ZNF804B: variants seen among roughly 807,000 people sequenced by gnomAD.
ZNF804B encodes zinc finger 804B.
In ZNF804B, 80 loss-of-function variants were observed where a neutral mutation model predicts 101.4. The observed-to-expected ratio is 0.79, with a 90% CI of 0.66 to 0.95. ZNF804B has a LOEUF of 0.95. Among genes scored for constraint, ZNF804B ranks in the 40% least tolerant of loss-of-function variants. The pLI, the probability that ZNF804B is intolerant of heterozygous loss-of-function variation, is 0.00. For synonymous variants in ZNF804B, 622 were observed against 558.8 expected (o/e 1.11, Z -1.59); for missense variants, 1,673 against 1,561.9 (o/e 1.07, Z -1.20).
At chr7:88,803,690 T>C (rs1211311575) in intron 1 of ZNF804B, among the ~76,000 whole-genome samples, 1 of 151,996 alleles carries the variant, frequency 6.6e-6, no homozygotes, top group African/African-American at 2.4e-5. Flanking sequence ...GGAAGAAAAA[T>C]AGTTTGTGTA....
At chr7:88,761,027 T>C (rs1400274905) in intron 1 of ZNF804B, among the ~76,000 whole-genome samples, 1 of 151,042 alleles carries the variant, frequency 6.6e-6, no homozygotes, top group Non-Finnish European at 1.5e-5. Context: ...TATTTAAGTC[T>C]GTATGATATC....
chr7:89,216,386 AT>A (rs34067763), intron 1 of ZNF804B, among the ~76,000 whole-genome samples: 18,545 of 152,190 alleles, frequency 0.12, 1,202 homozygotes, highest in Middle Eastern at 0.25. Flanking sequence ...AAATCAAGGG[AT>A]TTAGCACCAT....
chr7:89,109,942 ACT>A (rs1171734295), intron 1 of ZNF804B, among the ~76,000 whole-genome samples: 1 of 151,986 alleles, frequency 6.6e-6, no homozygotes, highest in African/African-American at 2.4e-5. Context: ...TTTGGGCCAA[ACT>A]CTGTTTTAGG....
intron 1 of ZNF804B, among the ~76,000 whole-genome samples, chr7:88,987,150 A>C (rs1204733091): frequency 6.6e-6 from 1 of 152,094 alleles, no homozygotes; most frequent in Admixed American, 6.6e-5. Context: ...AGCTCTCTTC[A>C]TCAAACAACC....
intron 2 of ZNF804B, among the ~76,000 whole-genome samples, chr7:89,282,199 T>TAAAAAAAAAAA (rs142207896): frequency 9.2e-6 from 1 of 108,984 alleles, no homozygotes; most frequent in Non-Finnish European, 1.8e-5. Context: ...AGACTCCGTC[T>TAAAAAAAAAAA]AAAAAAAAAA....
At chr7:89,105,564 T>G (rs1790121267) in intron 1 of ZNF804B, among the ~76,000 whole-genome samples, 1 of 152,026 alleles carries the variant, frequency 6.6e-6, no homozygotes, top group Non-Finnish European at 1.5e-5. Context: ...TGACACCAAC[T>G]GGGTAGGGGA....
At chr7:89,089,518 C>T (rs1789852016) in intron 1 of ZNF804B, among the ~76,000 whole-genome samples, 1 of 151,870 alleles carries the variant, frequency 6.6e-6, no homozygotes, top group African/African-American at 2.4e-5. Flanking sequence ...TTTAACTCAA[C>T]CACTTTAAAA....
chr7:89,067,806 G>A (rs571163812), intron 1 of ZNF804B, among the ~76,000 whole-genome samples: 1 of 148,670 alleles, frequency 6.7e-6, no homozygotes, highest in South Asian at 2.1e-4. Flanking sequence ...TCCAAACTAT[G>A]CTAATTTTTT....
At chr7:89,074,673 G>A (rs1223565900) in intron 1 of ZNF804B, among the ~76,000 whole-genome samples, 6 of 152,114 alleles carry the variant, frequency 3.9e-5, no homozygotes, top group African/African-American at 1.2e-4. Flanking sequence ...CAGTAGAGTG[G>A]GGTGCTGCTC....
At chr7:88,772,573 A>G (rs1790085232) in intron 1 of ZNF804B, among the ~76,000 whole-genome samples, 1 of 152,238 alleles carries the variant, frequency 6.6e-6, no homozygotes, top group South Asian at 2.1e-4. Flanking sequence ...TAGACCAAAT[A>G]CATAGTAACT....
intron 2 of ZNF804B, among the ~76,000 whole-genome samples, chr7:89,297,983 AT>A (rs200421723): frequency 0.024 from 3,310 of 135,854 alleles, 249 homozygotes; most frequent in East Asian, 0.22. Context: ...CATTTACTTA[AT>A]TTTTTTTTTT....
At chr7:89,292,451 A>G (rs567304858) in intron 2 of ZNF804B, among the ~76,000 whole-genome samples, 167 of 152,218 alleles carry the variant, frequency 1.1e-3, no homozygotes, top group Non-Finnish European at 2.0e-3. Flanking sequence ...TTGCTTGTTC[A>G]TTTGTTTGTT....
intron 1 of ZNF804B, among the ~76,000 whole-genome samples, chr7:88,956,505 T>C (rs1342713832): frequency 6.6e-6 from 1 of 151,386 alleles, no homozygotes; most frequent in African/African-American, 2.4e-5. Context: ...TGGCACTCTA[T>C]TACCATATTT....
At chr7:88,995,438 C>T (rs1009859476) in intron 1 of ZNF804B, among the ~76,000 whole-genome samples, 1 of 151,880 alleles carries the variant, frequency 6.6e-6, no homozygotes, top group African/African-American at 2.4e-5. Context: ...GAAATTCCAA[C>T]AAAAATGATG....
chr7:89,216,074 C>G (rs1188315927), intron 1 of ZNF804B, among the ~76,000 whole-genome samples: 3 of 152,078 alleles, frequency 2.0e-5, no homozygotes, highest in African/African-American at 7.2e-5. Context: ...GAGGCCGCGG[C>G]AGGTGGATCA....
intron 1 of ZNF804B, among the ~76,000 whole-genome samples, chr7:88,784,920 G>T (rs1303838667): frequency 6.6e-6 from 1 of 151,938 alleles, no homozygotes; most frequent in Non-Finnish European, 1.5e-5. Context: ...TTTGTAGATG[G>T]CTCTTTTTAT....
At chr7:89,241,428 C>T (rs941809147) in intron 2 of ZNF804B, among the ~76,000 whole-genome samples, 3 of 152,046 alleles carry the variant, frequency 2.0e-5, no homozygotes, top group Non-Finnish European at 4.4e-5. Flanking sequence ...ACTATTTACC[C>T]TCAAATCTTT....
chr7:89,122,005 G>C (rs1420088201), intron 1 of ZNF804B, among the ~76,000 whole-genome samples: 1 of 151,470 alleles, frequency 6.6e-6, no homozygotes, highest in Non-Finnish European at 1.5e-5. Flanking sequence ...AAATTTATGT[G>C]CCTATATATG....
chr7:89,237,192 TG>T (rs1789297693), intron 2 of ZNF804B, among the ~76,000 whole-genome samples: 1 of 152,188 alleles, frequency 6.6e-6, no homozygotes, highest in South Asian at 2.1e-4. Flanking sequence ...TATAGCTTGA[TG>T]TTTTTTCAGG....
Sources: gnomAD v4.1 joint callset for allele counts (sites outside exome capture counted in the v4.1 genomes callset) on GRCh38, gnomAD v4.1.1 for gene constraint, MANE v1.5 for transcripts, NCBI Gene and HGNC (gene_info 2026-07-23, HGNC 2026-07-21) for gene names.